Variants in DCAF6 observed in about 807,000 individuals in gnomAD.
DCAF6 encodes DDB1 and CUL4 associated factor 6.
A neutral mutation model predicts 125.1 loss-of-function variants in DCAF6; 54 were observed. The ratio of observed to expected loss-of-function variants is 0.43; its 90% confidence interval spans 0.35 to 0.54. The LOEUF (loss-of-function observed/expected upper bound fraction) is 0.54, where lower values mean the gene tolerates loss of function less well. DCAF6 is among the 20% of genes least tolerant of loss of function. DCAF6 has a pLI of 0.01. For missense variants in DCAF6, 934 were observed against 1,161.7 expected (o/e 0.80, Z 2.85); for synonymous variants, 371 against 390.4 (o/e 0.95, Z 0.58).
At chr1:167,969,937 C>T (rs12069575) in intron 3 of DCAF6, among the ~76,000 whole-genome samples, 4,569 of 152,192 alleles carry the variant, frequency 0.03, 238 homozygotes, top group African/African-American at 0.1. Flanking sequence ...CCACCACGCC[C>T]GGCTAGTTTT....
chr1:168,072,105 G>C (rs1693117607), intron 21 of DCAF6, among the ~76,000 whole-genome samples: 1 of 151,750 alleles, frequency 6.6e-6, no homozygotes, highest in African/African-American at 2.4e-5. Flanking sequence ...AGACCAGCCT[G>C]GCCAACATGG....
chr1:167,955,996 G>A (rs1018291425), intron 2 of DCAF6, among the ~76,000 whole-genome samples: 1 of 152,170 alleles, frequency 6.6e-6, no homozygotes, highest in Non-Finnish European at 1.5e-5. Context: ...CTGGGCTCAA[G>A]TGATACCTCC....
At chr1:167,903,543 G>A in the DCAF6 span, among the ~76,000 whole-genome samples, 1 of 152,076 alleles carries the variant, frequency 6.6e-6, no homozygotes, top group African/African-American at 2.4e-5. Flanking sequence ...CAGCCTGGGC[G>A]ACAGAGCAAG....
chr1:167,936,871 C>T lies in DCAF6; in HGVS notation c.-41C>T. 6.6e-7 allele frequency: 1 copy of T among 1,517,386 alleles called. No homozygotes were observed. The highest frequency in any genetic ancestry group is 1.2e-5 in the South Asian group (1 of 83,792). 94.0% of individuals were successfully genotyped at this position (1,517,386 alleles called of 1,614,324 possible). On this transcript the variant is annotated 5_prime_UTR_variant, in exon 1 of 22. Transcript: ENST00000367840. Reference sequence around the variant, plus strand: ...TGTCCCCTCCCCCTCCTCCCCTCCCCCACGCGGTGGTCTCCCCTCCCACCC... The same window carrying T: ...TGTCCCCTCCCCCTCCTCCCCTCCCTCACGCGGTGGTCTCCCCTCCCACCC...
chr1:167,955,553 T>G (rs191581687), intron 2 of DCAF6, among the ~76,000 whole-genome samples: 1 of 152,242 alleles, frequency 6.6e-6, no homozygotes, highest in Admixed American at 6.5e-5. Context: ...GGAAACTTCC[T>G]GAACTCTCAT....
At chr1:167,912,804 A>G in the DCAF6 span, among the ~76,000 whole-genome samples, 277 of 152,336 alleles carry the variant, frequency 1.8e-3, no homozygotes, top group African/African-American at 6.3e-3. Flanking sequence ...AGCCGTATCA[A>G]TTCTACATAG....
At chr1:167,951,076 T>C (rs1673855170) in intron 1 of DCAF6, among the ~76,000 whole-genome samples, 1 of 152,274 alleles carries the variant, frequency 6.6e-6, no homozygotes, top group Non-Finnish European at 1.5e-5. Flanking sequence ...TGCATAGCAC[T>C]ATACTAACTT....
chr1:167,936,907 G>A lies in DCAF6; in HGVS notation c.-5G>A, dbSNP rs750459192. 9 of 1,596,448 alleles carry A rather than the reference G, an allele frequency of 5.6e-6. No homozygotes were observed. The highest frequency in any genetic ancestry group is 7.7e-6 in the Non-Finnish European group (9 of 1,172,914). ...TCTCCCCTCCCACCCGGCTCAGGCAGAGCCATGTCTCGGGGTGGCTCCTAC... is the reference window on the plus strand; with the variant it reads ...TCTCCCCTCCCACCCGGCTCAGGCAAAGCCATGTCTCGGGGTGGCTCCTAC... On this transcript the variant is annotated 5_prime_UTR_variant, in exon 1 of 22. Coordinates refer to ENST00000367840, the MANE Select transcript of DCAF6 (RefSeq NM_001198956.2).
chr1:167,928,477 CAT>C, the DCAF6 span, among the ~76,000 whole-genome samples: 1 of 151,908 alleles, frequency 6.6e-6, no homozygotes, highest in East Asian at 1.9e-4. Flanking sequence ...TAAATTTAGA[CAT>C]ATATAAAACA....
chr1:167,907,210 C>G, the DCAF6 span, among the ~76,000 whole-genome samples: 4 of 152,214 alleles, frequency 2.6e-5, no homozygotes, highest in African/African-American at 9.6e-5. Context: ...TGGGCACATT[C>G]TCTTTTGAAT....
the DCAF6 span, among the ~76,000 whole-genome samples, chr1:167,893,411 A>G: frequency 6.6e-6 from 1 of 152,182 alleles, no homozygotes; most frequent in Admixed American, 6.6e-5. Flanking sequence ...AGTCACCTAC[A>G]TATAGAGAAT....
chr1:167,915,957 G>A, the DCAF6 span, among the ~76,000 whole-genome samples: 1 of 152,166 alleles, frequency 6.6e-6, no homozygotes, highest in Non-Finnish European at 1.5e-5. Context: ...AGGGCTGTCA[G>A]ACTTGGCATT....
the DCAF6 span, chr1:167,920,008 T>C: frequency 6.2e-7 from 1 of 1,613,536 alleles, no homozygotes; most frequent in South Asian, 1.1e-5. Flanking sequence ...GAGAGGCTCC[T>C]GCTGCCCCCA....
At chr1:167,972,903 T>C (rs1677553140) in intron 3 of DCAF6, among the ~76,000 whole-genome samples, 1 of 152,224 alleles carries the variant, frequency 6.6e-6, no homozygotes. Flanking sequence ...TTTCAATTTA[T>C]GAGTGACTGA....
chr1:167,965,631 G>C (rs1676279234), intron 2 of DCAF6, among the ~76,000 whole-genome samples: 1 of 152,004 alleles, frequency 6.6e-6, no homozygotes, highest in African/African-American at 2.4e-5. Flanking sequence ...GTTCCCTGGA[G>C]TTTTTTTCTT....
chr1:167,887,291 C>A, the DCAF6 span, among the ~76,000 whole-genome samples: 6 of 152,296 alleles, frequency 3.9e-5, no homozygotes, highest in East Asian at 1.2e-3. Flanking sequence ...GACCTGGAAC[C>A]AACCCAAATG....
chr1:168,009,349 T>TCCTC (rs1683862925), intron 10 of DCAF6, among the ~76,000 whole-genome samples: 1 of 26,868 alleles, frequency 3.7e-5, no homozygotes, highest in Non-Finnish European at 7.9e-5. Flanking sequence ...CTTCCTCCCT[T>TCCTC]CCTTCCTTCC....
the DCAF6 span, among the ~76,000 whole-genome samples, chr1:167,909,887 G>A: frequency 6.6e-6 from 1 of 152,158 alleles, no homozygotes; most frequent in Non-Finnish European, 1.5e-5. Context: ...GGAAGTAAAA[G>A]CTGAAAAACA....
Position 168,065,670 on chromosome 1 carries a change from C to G in DCAF6, c.2520C>G (p.His840Gln). ...GCCACATTTTCATCTGGGATCGGCA[C>G]ACTGCTGAGCATTTGATGCTTCTGG... The part of the protein sequence containing the change: ...DCGHIFIWDR[H>Q]TAEHLMLLEA... Residue 840 changes from histidine to glutamine, a missense_variant, in exon 19 of 22, where the codon CAC becomes CAG. His to Gln is a conservative substitution (Grantham distance 24, BLOSUM62 0). Transcript: ENST00000367840. The G allele has an allele frequency of 6.2e-7, 1 of 1,613,312 alleles. No homozygotes were observed. The highest frequency in any genetic ancestry group is 1.1e-5 in the South Asian group (1 of 90,956).
Sources: gnomAD v4.1 joint callset for allele counts (sites outside exome capture counted in the v4.1 genomes callset) on GRCh38, gnomAD v4.1.1 for gene constraint, MANE v1.5 for transcripts, NCBI Gene and HGNC (gene_info 2026-07-23, HGNC 2026-07-21) for gene names.